CLIC5: variants seen among roughly 807,000 people sequenced by gnomAD.
The protein encoded by CLIC5 is CLIC family member 5, also known as chloride intracellular channel protein 5.
A neutral mutation model predicts 24.7 loss-of-function variants in CLIC5; 20 were observed. The observed-to-expected ratio is 0.81, with a 90% CI of 0.57 to 1.18. The LOEUF (loss-of-function observed/expected upper bound fraction) is 1.18, where lower values mean the gene tolerates loss of function less well. CLIC5 is among the 50% of genes most tolerant of loss of function. The pLI is 0.00. For missense variants in CLIC5, 341 were observed against 326.1 expected (o/e 1.05, Z -0.35); for synonymous variants, 159 against 135.6 (o/e 1.17, Z -1.20).
At chr6:46,089,454 G>T in the CLIC5 span, among the ~76,000 whole-genome samples, 1 of 151,988 alleles carries the variant, frequency 6.6e-6, no homozygotes, top group African/African-American at 2.4e-5. Context: ...AATGTTTGTG[G>T]CCAGACGATT....
chr6:45,984,485 A>G (rs1184278552), intron 1 of CLIC5, among the ~76,000 whole-genome samples: 1 of 152,194 alleles, frequency 6.6e-6, no homozygotes, highest in African/African-American at 2.4e-5. Flanking sequence ...CTCTACCAGT[A>G]AAATGAGAAT....
intron 1 of CLIC5, among the ~76,000 whole-genome samples, chr6:46,056,805 G>A (rs936741761): frequency 6.6e-6 from 1 of 152,156 alleles, no homozygotes; most frequent in African/African-American, 2.4e-5. Flanking sequence ...TGAGATCTCT[G>A]TATCTGATCT....
At chr6:46,088,888 C>T in the CLIC5 span, among the ~76,000 whole-genome samples, 1 of 152,290 alleles carries the variant, frequency 6.6e-6, no homozygotes, top group South Asian at 2.1e-4. Context: ...AACATCTTCT[C>T]TCATTCTTGT....
intron 6 of CLIC5, among the ~76,000 whole-genome samples, chr6:45,888,745 A>AAGTTCCCAT (rs796586506): frequency 9.8e-5 from 15 of 152,330 alleles, no homozygotes; most frequent in African/African-American, 3.6e-4. Flanking sequence ...CCCTTTCTGT[A>AAGTTCCCAT]AGTTCCCATC....
Position 46,036,991 on chromosome 6 carries a change from A to G in CLIC5, c.540+42712T>C, listed in dbSNP as rs79681496. Among the ~76,000 whole-genome samples, 1,221 of 152,336 alleles carry G rather than the reference A, an allele frequency of 8.0e-3. 12 individuals are homozygous for G. Among genetic ancestry groups the G allele is most frequent in the Non-Finnish European group, 0.013 (884 of 68,032 alleles). The stretch of plus-strand genomic sequence containing the variant: ...TTGAGATTCTTCCAGAAGAACAAGC[A>G]AGAAAAAAATACCTTCCCCCATTTT... On this transcript the variant is annotated intron_variant, in intron 1 of 5. Transcript: ENST00000185206.
intron 4 of CLIC5, among the ~76,000 whole-genome samples, chr6:45,931,819 C>G (rs58369512): frequency 6.6e-6 from 1 of 152,086 alleles, no homozygotes; most frequent in Non-Finnish European, 1.5e-5. Context: ...CCACCATGCT[C>G]GGCTAATTTT....
At chr6:45,991,847 G>T (rs182810766) in intron 1 of CLIC5, among the ~76,000 whole-genome samples, 42 of 152,260 alleles carry the variant, frequency 2.8e-4, no homozygotes, top group Admixed American at 1.6e-3. Context: ...TGACAGCCTT[G>T]TCAAACACAG....
chr6:45,964,405 A>G (rs1764951955), intron 1 of CLIC5, among the ~76,000 whole-genome samples: 1 of 152,198 alleles, frequency 6.6e-6, no homozygotes, highest in Non-Finnish European at 1.5e-5. Context: ...TCTTCTTAAA[A>G]TAGGGCAGGC....
chr6:46,050,853 A>ATGTGTGTGTGTGTGTGTGTGTG lies in CLIC5; in HGVS notation c.540+28828_540+28849dup, dbSNP rs56660827. Among the ~76,000 whole-genome samples the ATGTGTGTGTGTGTGTGTGTGTG allele has an allele frequency of 3.7e-4, 55 of 148,674 alleles. No individual in the cohort carries two copies. The South Asian group carries it at 0.011, about 29-fold the overall frequency. On this transcript the variant is annotated intron_variant, in intron 1 of 5. Coordinates refer to the CLIC5 transcript ENST00000185206. The stretch of plus-strand genomic sequence containing the variant: ...TATTTAAGGTATAAAGTGTGTGTGT[A>ATGTGTGTGTGTGTGTGTGTGTG]TGTGTGTGTGTGTGTGTGTGTGTGC...
chr6:45,922,624 T>C (rs1561934853), intron 4 of CLIC5, among the ~76,000 whole-genome samples: 1 of 152,152 alleles, frequency 6.6e-6, no homozygotes, highest in Non-Finnish European at 1.5e-5. Context: ...AGTATAATAT[T>C]TTCTTAAAGT....
downstream of CLIC5, among the ~76,000 whole-genome samples, chr6:45,895,936 A>C (rs1762389719): frequency 6.6e-6 from 1 of 152,224 alleles, no homozygotes; most frequent in Non-Finnish European, 1.5e-5. Context: ...TGTTTGGGGC[A>C]TTGAGATATT....
downstream of CLIC5, among the ~76,000 whole-genome samples, chr6:45,896,243 A>G (rs984651672): frequency 7.2e-5 from 11 of 152,224 alleles, no homozygotes; most frequent in African/African-American, 2.4e-4. Context: ...TTTTCTGGTT[A>G]TTGGCTTCTT....
At chr6:45,892,944 A>G (rs1762365776) in intron 6 of CLIC5, among the ~76,000 whole-genome samples, 1 of 152,180 alleles carries the variant, frequency 6.6e-6, no homozygotes, top group African/African-American at 2.4e-5. Context: ...CCAAAAAAGC[A>G]TTTTAAAATA....
upstream of CLIC5, among the ~76,000 whole-genome samples, chr6:46,016,628 T>G (rs2127447210): frequency 6.6e-6 from 1 of 152,348 alleles, no homozygotes; most frequent in East Asian, 1.9e-4. Flanking sequence ...ACAGAAAAGA[T>G]GCACATATCT....
intron 5 of CLIC5, among the ~76,000 whole-genome samples, chr6:45,906,437 G>C (rs1023616453): frequency 4.6e-5 from 7 of 152,116 alleles, no homozygotes; most frequent in African/African-American, 1.7e-4. Flanking sequence ...TCCCTGGTTA[G>C]ATGTAGTCCT....
chr6:45,923,653 G>A (rs1450721318), intron 4 of CLIC5, among the ~76,000 whole-genome samples: 1 of 152,214 alleles, frequency 6.6e-6, no homozygotes, highest in Non-Finnish European at 1.5e-5. Flanking sequence ...ACCCTGATGG[G>A]GAAGGTGGGA....
At chr6:46,006,127 C>CATATATATATATATATATATATAT (rs58643121) in intron 1 of CLIC5, among the ~76,000 whole-genome samples, 7 of 35,134 alleles carry the variant, frequency 2.0e-4, no homozygotes, top group Non-Finnish European at 3.1e-4. Flanking sequence ...TGTATAAATA[C>CATATATATATATATATATATATAT]ATATATATAT....
chr6:46,045,853 C>A (rs540582062), intron 1 of CLIC5, among the ~76,000 whole-genome samples: 1 of 152,134 alleles, frequency 6.6e-6, no homozygotes. Context: ...TTATTCTCTT[C>A]TATGAAATAG....
At chr6:45,966,404 CT>C (rs2127399105) in intron 1 of CLIC5, among the ~76,000 whole-genome samples, 2 of 152,010 alleles carry the variant, frequency 1.3e-5, no homozygotes, top group East Asian at 3.9e-4. Flanking sequence ...CATCAGAATT[CT>C]TTTCCCTCAA....
Sources: gnomAD v4.1 joint callset for allele counts (sites outside exome capture counted in the v4.1 genomes callset) on GRCh38, gnomAD v4.1.1 for gene constraint, MANE v1.5 for transcripts, NCBI Gene and HGNC (gene_info 2026-07-23, HGNC 2026-07-21) for gene names.